Variants in GRK4 observed in about 807,000 individuals in gnomAD.
The protein encoded by GRK4 is G protein-coupled receptor kinase 4, also known as G protein-coupled receptor kinase 2-like.
Under a neutral mutation model 77.9 loss-of-function variants are expected in GRK4, and 73 were observed. That is an observed-to-expected ratio of 0.94 (90% CI 0.78 to 1.14). The LOEUF (loss-of-function observed/expected upper bound fraction) is 1.14, where lower values mean the gene tolerates loss of function less well. Among genes scored for constraint, GRK4 ranks in the 50% most tolerant of loss-of-function variants. GRK4 has a pLI of 0.00. For synonymous variants in GRK4, 257 were observed against 254.4 expected (o/e 1.01, Z -0.10); for missense variants, 729 against 700.2 (o/e 1.04, Z -0.46).
chr4:2,969,744 T>C (rs1718921365), intron 1 of GRK4, among the ~76,000 whole-genome samples: 1 of 151,798 alleles, frequency 6.6e-6, no homozygotes, highest in Non-Finnish European at 1.5e-5. Context: ...AAATCATAGC[T>C]ACTGAAGCCT....
chr4:2,978,967 C>T (rs1213473495), intron 1 of GRK4, among the ~76,000 whole-genome samples: 1 of 151,600 alleles, frequency 6.6e-6, no homozygotes, highest in Non-Finnish European at 1.5e-5. Flanking sequence ...CGGTGACTCA[C>T]GCCTGTGATC....
intron 4 of GRK4, among the ~76,000 whole-genome samples, chr4:3,000,621 G>A (rs1729254748): frequency 6.6e-6 from 1 of 150,858 alleles, no homozygotes; most frequent in Non-Finnish European, 1.5e-5. Context: ...CTGGAGTGCA[G>A]TGGCACAATC....
At chr4:2,987,174 T>TGCC in intron 2 of GRK4, 3 of 514,978 alleles carry the variant, frequency 5.8e-6, no homozygotes, top group East Asian at 1.1e-4. Context: ...TCTATGTCTT[T>TGCC]GCCTGTTCCA....
chr4:3,027,872 T>G lies in GRK4; in HGVS notation c.971-40T>G, dbSNP rs1355265183. On this transcript the variant is annotated intron_variant, in intron 10 of 15. Transcript: ENST00000398052. ...TTAATTGTTGTTACGGTGTCATTAC[T>G]TCCCCCGTGACCTGTGTAATAACAT... The G allele has an allele frequency of 1.9e-6, 3 of 1,548,666 alleles. No individual in the cohort carries two copies. In the Admixed American group the frequency reaches 5.1e-5, roughly 26 times the overall value.
At chr4:2,969,080 C>G (rs1718654132) in intron 1 of GRK4, 1 of 152,144 alleles carries the variant, frequency 6.6e-6, no homozygotes, top group East Asian at 1.9e-4. Context: ...ACATAGTAAG[C>G]AGGCATAGGC....
At chr4:2,966,938 C>T (rs1717895748) in intron 1 of GRK4, 1 of 152,128 alleles carries the variant, frequency 6.6e-6, no homozygotes, top group Non-Finnish European at 1.5e-5. Flanking sequence ...TTTGTGTTCC[C>T]CCAAAATTCT....
intron 8 of GRK4, among the ~76,000 whole-genome samples, chr4:3,015,930 A>G (rs1313235154): frequency 6.8e-6 from 1 of 146,698 alleles, no homozygotes; most frequent in Non-Finnish European, 1.5e-5. Flanking sequence ...TTTTTTTGAT[A>G]CAGAGTCTCG....
At chr4:3,040,001 C>T (rs1055562585) in intron 15 of GRK4, among the ~76,000 whole-genome samples, 1 of 152,188 alleles carries the variant, frequency 6.6e-6, no homozygotes, top group African/African-American at 2.4e-5. Context: ...GCTTCTTAGG[C>T]AGCCAGAGAC....
chr4:3,026,681 G>A (rs556190201), intron 10 of GRK4, among the ~76,000 whole-genome samples: 2 of 152,328 alleles, frequency 1.3e-5, no homozygotes, highest in African/African-American at 2.4e-5. Context: ...CCACGCCATC[G>A]GGCTGGGTCT....
rs372780383 is a variant in GRK4, at chr4:2,984,517, A to G, written c.57A>G (p.Gly19=). 6.2e-7 allele frequency: 1 copy of G among 1,607,232 alleles called. No homozygotes were observed. Among genetic ancestry groups the G allele is most frequent in the Non-Finnish European group, 8.5e-7 (1 of 1,174,352 alleles). ...CCTTTTTTCTCCCAAATTCAGGAGG[A>G]TATGGCAAAAAAAGTGGTCGTAGTA... ...NSLLLKARQG[G]YGKKSGRSKK... Residue 19 remains glycine (G), a synonymous_variant, in exon 2 of 16, where the codon GGA becomes GGG. Transcript: ENST00000398052.
Position 2,988,747 on chromosome 4 carries a change from T to A in GRK4, c.169T>A (p.Cys57Ser), listed in dbSNP as rs1432061062. The change falls in exon 3 of 16, where the codon TGT (cysteine) becomes AGT (serine). Residue 57 changes from cysteine (C) to serine (S), a missense_variant. By Grantham distance (112) the Cys-to-Ser change is moderately radical. Transcript: ENST00000398052. ...CCCAGAAAAGGATTATAGCAGTCTT[T>A]GTGACAAGCAACCGATAGGAAGACG... ...HSIEKDYSSLCDKQPIGRRLF... is the reference protein window; with the variant it reads ...HSIEKDYSSLSDKQPIGRRLF... 1 of 1,610,102 alleles carries A rather than the reference T, an allele frequency of 6.2e-7. No homozygotes were observed. The highest frequency in any genetic ancestry group is 1.7e-4 in the Middle Eastern group (1 of 6,054).
At chr4:2,971,237 T>G (rs1396532672) in intron 1 of GRK4, 1 of 152,228 alleles carries the variant, frequency 6.6e-6, no homozygotes. Context: ...TTAATTGATA[T>G]GCAAATTACT....
At chr4:2,986,509 C>A (rs1035586238) in intron 2 of GRK4, among the ~76,000 whole-genome samples, 2 of 151,616 alleles carry the variant, frequency 1.3e-5, no homozygotes, top group Admixed American at 1.3e-4. Flanking sequence ...GTGCCCACCA[C>A]CACGCCCGGC....
chr4:3,035,629 G>C (rs1275713182), intron 13 of GRK4, 106 bp downstream of exon 13: 12 of 1,315,856 alleles, frequency 9.1e-6, no homozygotes. Flanking sequence ...TCACTGTGTT[G>C]CCCAGGCTGG....
intron 1 of GRK4, chr4:2,965,900 A>C: frequency 5.2e-6 from 1 of 193,414 alleles, no homozygotes; most frequent in East Asian, 1.2e-4. Context: ...GTCATGGAAA[A>C]TAATCATCCT....
chr4:2,983,816 G>A (rs994871257), intron 1 of GRK4, among the ~76,000 whole-genome samples: 1 of 152,092 alleles, frequency 6.6e-6, no homozygotes, highest in Non-Finnish European at 1.5e-5. Context: ...TCACAGTTCT[G>A]CATGGCTAGA....
rs1490130793 is a variant in GRK4, at chr4:3,001,089, A to ATG, written c.340-3126_340-3125dup. 6.1e-3 allele frequency among the ~76,000 whole-genome samples: 506 copies of ATG among 82,434 alleles called. 36 individuals carry two copies. The highest frequency in any genetic ancestry group is 0.014 in the South Asian group (50 of 3,552). 54.1% of individuals were successfully genotyped at this position (82,434 alleles called of 152,430 possible). ...TAAATGAGACTATATATATATATAT[A>ATG]TGTGTGTGTGTGTGTGTATATATAT... On this transcript the variant is annotated intron_variant, in intron 4 of 15. Transcript: ENST00000398052.
At chr4:3,037,262 G>A in intron 13 of GRK4, 112 bp from the exon 14 acceptor site, 2 of 1,013,092 alleles carry the variant, frequency 2.0e-6, no homozygotes, top group Non-Finnish European at 2.9e-6. Flanking sequence ...ATGGAGACAG[G>A]GAGAGTGGCG....
chr4:3,024,262 T>A (rs35970030), intron 10 of GRK4, among the ~76,000 whole-genome samples: 2,535 of 152,266 alleles, frequency 0.017, 62 homozygotes, highest in African/African-American at 0.058. Context: ...TTTTTAAAGT[T>A]CTTTTTAAGG....
Sources: allele counts gnomAD v4.1 joint callset (sites outside exome capture counted in the v4.1 genomes callset), GRCh38; gene constraint gnomAD v4.1.1; transcripts MANE v1.5; gene names NCBI Gene and HGNC (gene_info 2026-07-23, HGNC 2026-07-21).